SOX5: variants seen among roughly 807,000 people sequenced by gnomAD.
SOX5 encodes SRY-box transcription factor 5.
A neutral mutation model predicts 92.0 loss-of-function variants in SOX5; 9 were observed. The ratio of observed to expected loss-of-function variants is 0.10; its 90% CI spans 0.06 to 0.17. The LOEUF is 0.17. SOX5 is among the 10% of genes least tolerant of loss of function. The probability of loss-of-function intolerance (pLI) is 1.00; values close to 1 mark genes in which losing one functional copy is unlikely to be tolerated. For missense variants in SOX5, 642 were observed against 944.5 expected, an observed-to-expected ratio of 0.68 and a Z score of 4.20; for synonymous variants, 344 against 336.3, an observed-to-expected ratio of 1.02 and a Z score of -0.25.
At chr12:23,954,947 G>T (rs946788882), upstream of SOX5, among the ~76,000 whole-genome samples, 1 of 151,876 alleles carries the variant, frequency 6.6e-6, no homozygotes, top group Non-Finnish European at 1.5e-5. Flanking sequence ...TTAAATAAAA[G>T]CTTTTATTTT....
At chr12:23,972,583 T>C (rs980740643) in intron 4 of SOX5, among the ~76,000 whole-genome samples, 22 of 152,122 alleles carry the variant, frequency 1.4e-4, no homozygotes, top group African/African-American at 5.1e-4. Flanking sequence ...AGTCTCGAAC[T>C]CCTAACCTCA....
At chr12:23,749,348 A>G (rs1271482183) in intron 4 of SOX5, among the ~76,000 whole-genome samples, 1 of 151,894 alleles carries the variant, frequency 6.6e-6, no homozygotes, top group East Asian at 1.9e-4. Context: ...CTTGTACCCT[A>G]ATACTATAAG....
At chr12:24,312,572 G>C (rs750963793) in intron 2 of SOX5, among the ~76,000 whole-genome samples, 6 of 152,122 alleles carry the variant, frequency 3.9e-5, no homozygotes, top group Non-Finnish European at 7.4e-5. Context: ...TCCTAGAACA[G>C]TGCTTGGCAC....
At chr12:23,702,897 GC>G (rs1288261702) in intron 6 of SOX5, among the ~76,000 whole-genome samples, 1 of 152,012 alleles carries the variant, frequency 6.6e-6, no homozygotes, top group East Asian at 1.9e-4. Flanking sequence ...ATGAGTGCAA[GC>G]TTATAGAATT....
rs971713342 is a variant in SOX5 at position 23,871,201 on chromosome 12, T to C, written c.270+24592A>G. 2.0e-5 allele frequency among the ~76,000 whole-genome samples: 3 copies of C among 152,306 alleles called. No homozygotes were observed. In the South Asian group the frequency reaches 6.2e-4, roughly 32 times the overall value. On this transcript the variant is annotated intron_variant, in intron 2 of 14. Coordinates refer to ENST00000451604, the MANE Select transcript of SOX5 (RefSeq NM_006940.6). ...ATTACAAATAATCAAGTTTTCTTTT[T>C]GATATTAGCTTTTGACTCTCTTACT...
At chr12:24,249,482 A>G (rs1939591424) in intron 3 of SOX5, among the ~76,000 whole-genome samples, 1 of 152,208 alleles carries the variant, frequency 6.6e-6, no homozygotes, top group Non-Finnish European at 1.5e-5. Flanking sequence ...TTCGTGGTGT[A>G]TCTTTTTTCT....
At chr12:24,112,727 G>C (rs12313151) in intron 4 of SOX5, among the ~76,000 whole-genome samples, 2,973 of 151,206 alleles carry the variant, frequency 0.02, 99 homozygotes, top group African/African-American at 0.068. Context: ...TGAGAGAAGG[G>C]GTTTCACCAT....
At chr12:24,343,600 C>T (rs1952831160) in intron 2 of SOX5, among the ~76,000 whole-genome samples, 2 of 152,050 alleles carry the variant, frequency 1.3e-5, no homozygotes, top group African/African-American at 4.8e-5. Context: ...TGTCTTTAAT[C>T]TGCACTCAGC....
intron 1 of SOX5, among the ~76,000 whole-genome samples, chr12:23,901,964 G>A (rs1228937794): frequency 6.6e-6 from 1 of 152,084 alleles, no homozygotes; most frequent in Non-Finnish European, 1.5e-5. Flanking sequence ...CAGCATAAAG[G>A]AATTGGTAAG....
In SOX5 at chr12:23,534,156, G is replaced by A; in HGVS notation, c.*63C>T. The A allele has an allele frequency of 7.2e-7, 1 of 1,396,524 alleles. No individual in the cohort carries two copies. The highest frequency in any genetic ancestry group is 1.0e-6 in the Non-Finnish European group (1 of 1,000,382). 86.5% of individuals were successfully genotyped at this position (1,396,524 alleles called of 1,614,324 possible). ...GAGAAAGTTAATGTGCTTGGCCACT[G>A]GTAAGGATGAACCAGTTAGGGCTTC... On this transcript the variant is annotated 3_prime_UTR_variant, in exon 15 of 15. Coordinates refer to ENST00000451604, the MANE Select transcript of SOX5 (RefSeq NM_006940.6).
At chr12:24,047,083 C>T (rs746187878) in intron 4 of SOX5, among the ~76,000 whole-genome samples, 8 of 152,110 alleles carry the variant, frequency 5.3e-5, no homozygotes, top group Non-Finnish European at 1.0e-4. Context: ...GTACGAATAA[C>T]ACTTTCTTGG....
chr12:24,542,560 G>A (rs1952236500), intron 1 of SOX5, among the ~76,000 whole-genome samples: 1 of 152,142 alleles, frequency 6.6e-6, no homozygotes, highest in African/African-American at 2.4e-5. Context: ...GCACCTGAAT[G>A]GCAGAAAGAC....
intron 4 of SOX5, among the ~76,000 whole-genome samples, chr12:23,998,525 C>T (rs956806331): frequency 6.6e-6 from 1 of 151,970 alleles, no homozygotes; most frequent in Non-Finnish European, 1.5e-5. Context: ...GGGCTAAAGG[C>T]CAGGAATGGT....
chr12:23,712,053 T>A (rs80033547), intron 6 of SOX5, among the ~76,000 whole-genome samples: 4,583 of 152,278 alleles, frequency 0.03, 213 homozygotes, highest in African/African-American at 0.1. Flanking sequence ...TGAGCAGCCA[T>A]TTAAACTTTG....
chr12:23,916,069 C>G (rs1426660462), intron 1 of SOX5, among the ~76,000 whole-genome samples: 1 of 152,080 alleles, frequency 6.6e-6, no homozygotes, highest in African/African-American at 2.4e-5. Context: ...CCAGAAAAAT[C>G]AAGCTAACAC....
rs538369620 is a variant in SOX5 at position 24,307,897 on chromosome 12, G to A, written c.-173-30585C>T. Among the ~76,000 whole-genome samples the A allele has an allele frequency of 9.2e-5, 14 of 152,212 alleles. No homozygotes were observed. In the South Asian group the frequency reaches 1.5e-3, roughly 16 times the overall value. On this transcript the variant is annotated intron_variant, in intron 2 of 4. Coordinates refer to the SOX5 transcript ENST00000446891. ...AGCTAGTCAGGCATGAACAGGGCAG[G>A]AGAGGGCTCCCCCAACCCCACCAGG...
At chr12:23,735,176 A>C (rs1194794849) in intron 5 of SOX5, among the ~76,000 whole-genome samples, 1 of 152,182 alleles carries the variant, frequency 6.6e-6, no homozygotes, top group Non-Finnish European at 1.5e-5. Flanking sequence ...TGTATTTATT[A>C]GTAAAGTTTT....
chr12:23,586,483 A>G (rs1464464549), intron 9 of SOX5, among the ~76,000 whole-genome samples: 2 of 151,710 alleles, frequency 1.3e-5, no homozygotes, highest in Admixed American at 6.6e-5. Context: ...TTTTACGGGG[A>G]AAAAAAAATT....
chr12:23,794,473 TA>T (rs2095529118), intron 3 of SOX5, among the ~76,000 whole-genome samples: 1 of 152,226 alleles, frequency 6.6e-6, no homozygotes, highest in East Asian at 1.9e-4. Context: ...TGACATAAGG[TA>T]ACTGCCAAAA....
Sources: gnomAD v4.1 joint callset for allele counts (sites outside exome capture counted in the v4.1 genomes callset) on GRCh38, gnomAD v4.1.1 for gene constraint, MANE v1.5 for transcripts, NCBI Gene and HGNC (gene_info 2026-07-23, HGNC 2026-07-21) for gene names.